EXOC4: variants seen among roughly 807,000 people sequenced by gnomAD.
EXOC4 encodes the protein SEC8-like 1.
Under a neutral mutation model 107.2 loss-of-function variants are expected in EXOC4, and 71 were observed. That is an observed-to-expected ratio of 0.66 (90% CI 0.55 to 0.81). EXOC4 has a LOEUF of 0.81. Ranked by LOEUF, EXOC4 falls within the 30% of genes least tolerant of loss-of-function variation. The pLI is 0.00. For missense variants in EXOC4, 1,108 were observed against 1,189.6 expected (o/e 0.93, Z 1.01); for synonymous variants, 456 against 441.2 (o/e 1.03, Z -0.42).
chr7:133,808,223 G>C (rs900144447), intron 10 of EXOC4, among the ~76,000 whole-genome samples: 15 of 152,180 alleles, frequency 9.9e-5, no homozygotes, highest in African/African-American at 3.6e-4. Context: ...CACTCAGCAT[G>C]AACAATTACA....
intron 10 of EXOC4, among the ~76,000 whole-genome samples, chr7:133,760,769 C>T (rs1486795525): frequency 6.6e-6 from 1 of 151,872 alleles, no homozygotes; most frequent in Non-Finnish European, 1.5e-5. Flanking sequence ...GCCTAGCATG[C>T]TTAATGTCCT....
intron 17 of EXOC4, among the ~76,000 whole-genome samples, chr7:134,044,560 G>A (rs977320013): frequency 6.6e-6 from 1 of 152,184 alleles, no homozygotes; most frequent in African/African-American, 2.4e-5. Flanking sequence ...CCACCTTGCT[G>A]TCTAGAACAG....
At chr7:133,541,562 T>C (rs952888412) in intron 9 of EXOC4, among the ~76,000 whole-genome samples, 1 of 152,144 alleles carries the variant, frequency 6.6e-6, no homozygotes, top group African/African-American at 2.4e-5. Flanking sequence ...TACACTGGTG[T>C]GATCATGGCT....
intron 7 of EXOC4, among the ~76,000 whole-genome samples, chr7:133,384,745 A>AAC (rs1796689956): frequency 6.6e-6 from 1 of 150,878 alleles, no homozygotes. Context: ...TAAAAAAAAA[A>AAC]AACGTTTTCT....
At chr7:133,408,676 T>G (rs1797284210) in intron 7 of EXOC4, among the ~76,000 whole-genome samples, 1 of 152,138 alleles carries the variant, frequency 6.6e-6, no homozygotes, top group African/African-American at 2.4e-5. Context: ...GCATCCATAA[T>G]TTACTACATG....
intron 14 of EXOC4, among the ~76,000 whole-genome samples, chr7:133,988,338 AAGTTAG>A (rs1358677823): frequency 6.6e-6 from 1 of 152,184 alleles, no homozygotes; most frequent in Non-Finnish European, 1.5e-5. Flanking sequence ...ACTAAGGAGA[AAGTTAG>A]AGTTGTAAAT....
intron 9 of EXOC4, among the ~76,000 whole-genome samples, chr7:133,582,125 C>G (rs1014587744): frequency 4.9e-4 from 75 of 152,160 alleles, no homozygotes; most frequent in African/African-American, 1.6e-3. Flanking sequence ...GTACCTTCCT[C>G]CCTCCCTCTA....
At chr7:133,630,828 G>A (rs1802573979) in intron 10 of EXOC4, among the ~76,000 whole-genome samples, 1 of 152,074 alleles carries the variant, frequency 6.6e-6, no homozygotes, top group Non-Finnish European at 1.5e-5. Flanking sequence ...AGTTCATTGT[G>A]ATAACATGAT....
At chr7:133,991,797 T>C (rs898607216) in intron 14 of EXOC4, among the ~76,000 whole-genome samples, 2 of 152,208 alleles carry the variant, frequency 1.3e-5, no homozygotes, top group Non-Finnish European at 2.9e-5. Flanking sequence ...CTCTATTCTG[T>C]TCCATTGGTC....
intron 10 of EXOC4, among the ~76,000 whole-genome samples, chr7:133,664,606 T>G (rs1001243924): frequency 1.3e-5 from 2 of 152,140 alleles, no homozygotes; most frequent in Non-Finnish European, 2.9e-5. Flanking sequence ...TAGAATCCTT[T>G]TGGCCCAGAA....
At chr7:134,030,672 C>G (rs528893456) in intron 17 of EXOC4, among the ~76,000 whole-genome samples, 1 of 148,774 alleles carries the variant, frequency 6.7e-6, no homozygotes, top group Non-Finnish European at 1.5e-5. Flanking sequence ...CCCGCACCCC[C>G]CCTCTGCCCC....
At chr7:133,274,927 T>C (rs1793953245) in intron 1 of EXOC4, 55 bp from the exon 2 acceptor site, 8 of 1,364,600 alleles carry the variant, frequency 5.9e-6, no homozygotes, top group Non-Finnish European at 6.8e-6. Flanking sequence ...TCACCTTTCT[T>C]TTGCATTTTA....
chr7:133,534,905 C>T (rs1486627452), intron 9 of EXOC4, among the ~76,000 whole-genome samples: 1 of 151,994 alleles, frequency 6.6e-6, no homozygotes, highest in Non-Finnish European at 1.5e-5. Context: ...CTGTTATTAT[C>T]CCATGTGGTA....
intron 7 of EXOC4, among the ~76,000 whole-genome samples, chr7:133,411,163 G>A (rs1797346707): frequency 6.6e-6 from 1 of 152,074 alleles, no homozygotes; most frequent in East Asian, 1.9e-4. Flanking sequence ...CCAAATTATG[G>A]TCAGCCATCT....
intron 10 of EXOC4, among the ~76,000 whole-genome samples, chr7:133,686,993 T>TTGTGTGTGTGTGTG (rs1027053373): frequency 1.3e-4 from 1 of 7,572 alleles, no homozygotes; most frequent in African/African-American, 2.4e-4. Context: ...ATAAAGAATT[T>TTGTGTGTGTGTGTG]TGTGTGTGTG....
Position 134,057,118 on chromosome 7 carries a change from T to C in EXOC4, c.2688-7173T>C, listed in dbSNP as rs111976121. ...GTAACTGGTAACTGCCATTTAAGGA[T>C]AGTGCCATTGACAAAGGGTAGGTGC... On this transcript the variant is annotated intron_variant, in intron 17 of 17. Coordinates refer to ENST00000253861, the MANE Select transcript of EXOC4 (RefSeq NM_021807.4). 2.6e-3 allele frequency among the ~76,000 whole-genome samples: 395 copies of C among 152,230 alleles called. No individual in the cohort carries two copies. In the East Asian group the frequency reaches 0.028, roughly 11 times the overall value.
At chr7:133,298,860 T>C (rs998394298) in intron 3 of EXOC4, among the ~76,000 whole-genome samples, 4 of 152,176 alleles carry the variant, frequency 2.6e-5, no homozygotes, top group African/African-American at 7.2e-5. Context: ...AGGATACTTA[T>C]CACAGTAAGA....
At chr7:133,963,967 A>G (rs1585283037) in intron 14 of EXOC4, among the ~76,000 whole-genome samples, 1 of 152,238 alleles carries the variant, frequency 6.6e-6, no homozygotes, top group South Asian at 2.1e-4. Flanking sequence ...TTCATCTTGA[A>G]AGGATGACTG....
intron 10 of EXOC4, among the ~76,000 whole-genome samples, chr7:133,745,973 C>A (rs1795668593): frequency 6.6e-6 from 1 of 151,990 alleles, no homozygotes; most frequent in Non-Finnish European, 1.5e-5. Flanking sequence ...AACAGAAAAT[C>A]CCTGTTACAA....
Sources: allele counts gnomAD v4.1 joint callset (sites outside exome capture counted in the v4.1 genomes callset), GRCh38; gene constraint gnomAD v4.1.1; transcripts MANE v1.5; gene names NCBI Gene and HGNC (gene_info 2026-07-23, HGNC 2026-07-21).